Variants in RGS7 observed in about 807,000 individuals in gnomAD.
RGS7 encodes the protein regulator of G protein signaling 7, also known as regulator of G-protein signaling 7.
A neutral mutation model predicts 81.1 loss-of-function variants in RGS7; 27 were observed. The observed-to-expected ratio is 0.33, with a 90% confidence interval of 0.25 to 0.46. RGS7 has a LOEUF of 0.46. RGS7 is among the 20% of genes least tolerant of loss of function. RGS7 has a pLI of 1.00. For synonymous variants in RGS7, 208 were observed against 207.7 expected, an observed-to-expected ratio of 1.00 and a Z score of -0.01; for missense variants, 396 against 607.4, an observed-to-expected ratio of 0.65 and a Z score of 3.66.
At chr1:241,087,788 A>G (rs994760542) in intron 3 of RGS7, among the ~76,000 whole-genome samples, 1 of 151,930 alleles carries the variant, frequency 6.6e-6, no homozygotes, top group Non-Finnish European at 1.5e-5. Flanking sequence ...GTCTCTACTA[A>G]AACTACAAAA....
intron 3 of RGS7, among the ~76,000 whole-genome samples, chr1:241,062,843 A>G (rs1409942006): frequency 6.6e-6 from 1 of 152,214 alleles, no homozygotes; most frequent in African/African-American, 2.4e-5. Context: ...CTAACGTGTT[A>G]AAGACCCTAT....
chr1:241,226,911 CTT>C (rs2075340211), intron 2 of RGS7, among the ~76,000 whole-genome samples: 1 of 152,218 alleles, frequency 6.6e-6, no homozygotes, highest in South Asian at 2.1e-4. Flanking sequence ...GTACTCCCCT[CTT>C]TTTTTCTCTG....
chr1:241,228,428 A>T (rs980675469), intron 2 of RGS7, among the ~76,000 whole-genome samples: 1 of 152,000 alleles, frequency 6.6e-6, no homozygotes, highest in Non-Finnish European at 1.5e-5. Flanking sequence ...TGTTACACAT[A>T]AAAAAAATGA....
At chr1:240,920,063 T>C in intron 6 of RGS7, 1 of 992,314 alleles carries the variant, frequency 1.0e-6, no homozygotes, top group Non-Finnish European at 1.6e-6. Context: ...AAATCATGAC[T>C]GATTGAGGCA....
intron 3 of RGS7, among the ~76,000 whole-genome samples, chr1:241,010,087 G>T (rs1340201126): frequency 6.6e-6 from 1 of 152,122 alleles, no homozygotes; most frequent in Non-Finnish European, 1.5e-5. Flanking sequence ...TAATGTAAAT[G>T]ACTAGTTGAC....
At chr1:241,127,346 T>C (rs2066733645) in intron 2 of RGS7, among the ~76,000 whole-genome samples, 1 of 152,182 alleles carries the variant, frequency 6.6e-6, no homozygotes, top group South Asian at 2.1e-4. Flanking sequence ...ATTGAAGTCA[T>C]ACAGAAAGCA....
chr1:241,276,320 T>C (rs2078192383), intron 2 of RGS7, among the ~76,000 whole-genome samples: 1 of 152,166 alleles, frequency 6.6e-6, no homozygotes, highest in Admixed American at 6.5e-5. Flanking sequence ...CTAAACACAA[T>C]TAACATGGAG....
At chr1:241,023,419 G>A (rs948233944) in intron 3 of RGS7, among the ~76,000 whole-genome samples, 3 of 152,178 alleles carry the variant, frequency 2.0e-5, no homozygotes, top group African/African-American at 7.2e-5. Context: ...CCTTTGAAAA[G>A]TCATCATCAA....
chr1:240,988,174 T>A (rs576359438), intron 3 of RGS7, among the ~76,000 whole-genome samples: 2 of 151,104 alleles, frequency 1.3e-5, no homozygotes, highest in Admixed American at 6.6e-5. Flanking sequence ...TTTATGGACA[T>A]CTACTCTATA....
intron 2 of RGS7, among the ~76,000 whole-genome samples, chr1:241,129,237 G>A (rs2103030679): frequency 6.6e-6 from 1 of 150,978 alleles, no homozygotes; most frequent in African/African-American, 2.4e-5. Flanking sequence ...ACCACTGAGG[G>A]GATATTGGCT....
chr1:241,018,701 CTTT>C (rs1315544547), intron 3 of RGS7, among the ~76,000 whole-genome samples: 2 of 151,988 alleles, frequency 1.3e-5, no homozygotes, highest in East Asian at 3.9e-4. Flanking sequence ...TTTAGTGAGA[CTTT>C]TTCTTGGGGC....
chr1:241,097,856 T>A (rs1265938912), intron 3 of RGS7, among the ~76,000 whole-genome samples: 4 of 152,076 alleles, frequency 2.6e-5, no homozygotes, highest in African/African-American at 9.7e-5. Flanking sequence ...CCTCTCTCAG[T>A]CTCCTCATTT....
At chr1:241,255,767 G>C (rs535055280) in intron 2 of RGS7, among the ~76,000 whole-genome samples, 1 of 152,202 alleles carries the variant, frequency 6.6e-6, no homozygotes, top group Non-Finnish European at 1.5e-5. Context: ...ATTCATATTC[G>C]ACTGGAAATA....
intron 2 of RGS7, among the ~76,000 whole-genome samples, chr1:241,104,438 A>T (rs191096933): frequency 2.4e-4 from 36 of 152,158 alleles, no homozygotes; most frequent in Admixed American, 5.2e-4. Flanking sequence ...ATGTCAGGGG[A>T]AATATTTGTG....
chr1:241,057,383 T>G (rs997480369), intron 3 of RGS7, among the ~76,000 whole-genome samples: 1 of 152,234 alleles, frequency 6.6e-6, no homozygotes, highest in Non-Finnish European at 1.5e-5. Flanking sequence ...ATTCCTGTTA[T>G]GTATTCAGAC....
chr1:241,248,307 T>C (rs1345164307), intron 2 of RGS7, among the ~76,000 whole-genome samples: 1 of 149,966 alleles, frequency 6.7e-6, no homozygotes, highest in Non-Finnish European at 1.5e-5. Context: ...ATTTAAATTA[T>C]ATATGTGCAG....
intron 6 of RGS7, among the ~76,000 whole-genome samples, chr1:240,876,699 C>T (rs949234871): frequency 6.6e-6 from 1 of 152,230 alleles, no homozygotes. Flanking sequence ...TAGTGGCTCA[C>T]ACCTGTAATC....
intron 2 of RGS7, among the ~76,000 whole-genome samples, chr1:241,231,284 T>C (rs1483591465): frequency 6.6e-6 from 1 of 152,248 alleles, no homozygotes; most frequent in African/African-American, 2.4e-5. Flanking sequence ...TGACATAGAA[T>C]AGTCTATTTG....
intron 3 of RGS7, among the ~76,000 whole-genome samples, chr1:241,040,538 G>A (rs2060562470): frequency 6.6e-6 from 1 of 151,518 alleles, no homozygotes; most frequent in Non-Finnish European, 1.5e-5. Flanking sequence ...TTTCGCTCTT[G>A]TTGCCCAGGC....
Sources: allele counts gnomAD v4.1 joint callset (sites outside exome capture counted in the v4.1 genomes callset), GRCh38; gene constraint gnomAD v4.1.1; transcripts MANE v1.5; gene names NCBI Gene and HGNC (gene_info 2026-07-23, HGNC 2026-07-21).